The following OPHN1 variants were observed in gnomAD, a reference collection of about 807,000 sequenced individuals.
OPHN1 encodes the protein oligophrenin 1.
Under a neutral mutation model 60.7 loss-of-function variants are expected in OPHN1, and 11 were observed. That is an observed-to-expected ratio of 0.18 (90% confidence interval 0.11 to 0.30). The LOEUF (loss-of-function observed/expected upper bound fraction) is 0.30. Among genes scored for constraint, OPHN1 ranks in the 10% least tolerant of loss-of-function variants. The pLI is 1.00. For missense variants in OPHN1, 449 were observed against 611.0 expected (o/e 0.73, Z 2.80); for synonymous variants, 226 against 222.6 (o/e 1.02, Z -0.14).
At chrX:68,327,081 G>A (rs112804226) in intron 2 of OPHN1, among the ~76,000 whole-genome samples, 7 of 25,312 alleles carry the variant, frequency 2.8e-4, no homozygotes, top group African/African-American at 2.1e-3. Context: ...GGTGAGGGGC[G>A]CCTCTGCCCG....
chrX:68,398,714 C>A (rs1186177023), intron 2 of OPHN1, among the ~76,000 whole-genome samples: 2 of 110,920 alleles, frequency 1.8e-5, no homozygotes, highest in Admixed American at 9.7e-5. Context: ...TTTGGGAGGC[C>A]GTGGTGGGCG....
At chrX:68,205,446 C>T (rs1282320695) in intron 10 of OPHN1, among the ~76,000 whole-genome samples, 5 of 104,657 alleles carry the variant, frequency 4.8e-5, no homozygotes, top group Admixed American at 9.9e-5. Flanking sequence ...GAAGCTCCAT[C>T]GCAAATAATA....
At chrX:68,134,562 ACAAT>A (rs2077211313) in intron 15 of OPHN1, among the ~76,000 whole-genome samples, 1 of 111,115 alleles carries the variant, frequency 9.0e-6, no homozygotes, top group Non-Finnish European at 1.9e-5. Context: ...CCTCATTCAC[ACAAT>A]CATAGAGCTC....
intron 2 of OPHN1, among the ~76,000 whole-genome samples, chrX:68,362,955 A>C (rs1312463507): frequency 9.0e-6 from 1 of 111,168 alleles, no homozygotes; most frequent in Non-Finnish European, 1.9e-5. Flanking sequence ...TGCTTTGAAA[A>C]ATAGAATCTT....
At chrX:68,291,764 C>T (rs747284229) in intron 3 of OPHN1, among the ~76,000 whole-genome samples, 5 of 110,741 alleles carry the variant, frequency 4.5e-5, no homozygotes, top group African/African-American at 9.8e-5. Context: ...CTTCATGCCT[C>T]CCATAAGACT....
intron 15 of OPHN1, among the ~76,000 whole-genome samples, chrX:68,130,602 A>T (rs1346910145): frequency 9.0e-6 from 1 of 111,714 alleles, no homozygotes; most frequent in African/African-American, 3.3e-5. Flanking sequence ...TTATGTTAAG[A>T]CAATGGTGAC....
chrX:68,226,274 G>A (rs1044560537), intron 6 of OPHN1, among the ~76,000 whole-genome samples: 37 of 111,606 alleles, frequency 3.3e-4, no homozygotes, highest in Non-Finnish European at 6.2e-4. Context: ...TGAAAGTGAC[G>A]GCGAGAATGG....
At chrX:68,256,751 G>T (rs2077865756) in intron 5 of OPHN1, among the ~76,000 whole-genome samples, 2 of 111,206 alleles carry the variant, frequency 1.8e-5, no homozygotes, top group South Asian at 7.6e-4. Context: ...GCTATTGAGG[G>T]CCAGGCACAG....
chrX:68,396,163 C>T (rs1160359389), intron 2 of OPHN1, among the ~76,000 whole-genome samples: 2 of 106,926 alleles, frequency 1.9e-5, no homozygotes, highest in Non-Finnish European at 3.8e-5. Context: ...CGAGGAATGG[C>T]GACTCATGCC....
intron 15 of OPHN1, among the ~76,000 whole-genome samples, chrX:68,175,719 C>T (rs1186031632): frequency 9.0e-6 from 1 of 111,624 alleles, no homozygotes; most frequent in African/African-American, 3.3e-5. Flanking sequence ...CTCTAAAAAG[C>T]CTTAAATCTC....
chrX:68,078,567 T>C (rs1038749524), intron 19 of OPHN1, among the ~76,000 whole-genome samples: 2 of 111,805 alleles, frequency 1.8e-5, no homozygotes, highest in African/African-American at 6.5e-5. Flanking sequence ...ACGCATCATA[T>C]ATTATTTCCC....
intron 18 of OPHN1, among the ~76,000 whole-genome samples, chrX:68,110,263 T>C (rs1001040914): frequency 5.4e-5 from 6 of 112,112 alleles, no homozygotes; most frequent in Non-Finnish European, 1.1e-4. Context: ...TATTACCACA[T>C]ACTTAAGAGT....
At chrX:68,368,401 A>T (rs2078510190) in intron 2 of OPHN1, among the ~76,000 whole-genome samples, 1 of 111,028 alleles carries the variant, frequency 9.0e-6, no homozygotes, top group Non-Finnish European at 1.9e-5. Flanking sequence ...TATTAGCTGG[A>T]CATGGTGTTG....
chrX:68,424,201 A>T (rs1178558619), intron 2 of OPHN1, among the ~76,000 whole-genome samples: 4 of 111,028 alleles, frequency 3.6e-5, no homozygotes, highest in African/African-American at 1.3e-4. Context: ...AAAATAAAAA[A>T]AAAATCACAC....
chrX:68,383,536 T>C (rs1425909630), intron 2 of OPHN1, among the ~76,000 whole-genome samples: 2 of 95,230 alleles, frequency 2.1e-5, no homozygotes, highest in Non-Finnish European at 4.1e-5. Context: ...GAGGTGGAGG[T>C]TGCAGTGAGC....
intron 15 of OPHN1, among the ~76,000 whole-genome samples, chrX:68,170,328 TTGG>T (rs1172824657): frequency 7.4e-4 from 78 of 105,618 alleles, no homozygotes; most frequent in African/African-American, 2.7e-3. Context: ...TTTTACACTG[TTGG>T]TGGGACTGTA....
chrX:68,145,466 C>T (rs758998876), intron 15 of OPHN1, among the ~76,000 whole-genome samples: 1 of 111,790 alleles, frequency 8.9e-6, no homozygotes, highest in African/African-American at 3.2e-5. Context: ...AGTCTGCAGA[C>T]ATGTTTTGAT....
chrX:68,429,149 C>T (rs1193962855), intron 2 of OPHN1, among the ~76,000 whole-genome samples: 1 of 111,104 alleles, frequency 9.0e-6, no homozygotes, highest in Non-Finnish European at 1.9e-5. Flanking sequence ...GGGCCAGGCA[C>T]GGTGGCTCAT....
intron 15 of OPHN1, among the ~76,000 whole-genome samples, chrX:68,169,350 A>G (rs1437827935): frequency 9.0e-6 from 1 of 111,470 alleles, no homozygotes; most frequent in African/African-American, 3.3e-5. Flanking sequence ...AAATGGCCAT[A>G]CTGCCCAAGG....
Sources: allele counts gnomAD v4.1 joint callset (sites outside exome capture counted in the v4.1 genomes callset), GRCh38; gene constraint gnomAD v4.1.1; transcripts MANE v1.5; gene names NCBI Gene and HGNC (gene_info 2026-07-23, HGNC 2026-07-21).